The following SLC39A11 variants were observed in gnomAD, a reference collection of about 807,000 sequenced individuals.
SLC39A11 encodes the protein zinc transporter ZIP11.
In SLC39A11, 33 loss-of-function variants were observed where a neutral mutation model predicts 36.1. The observed-to-expected ratio is 0.91, with a 90% CI of 0.69 to 1.22. The LOEUF is 1.22. Ranked by LOEUF, SLC39A11 falls within the 50% of genes most tolerant of loss-of-function variation. The pLI is 0.00. For synonymous variants in SLC39A11, 166 were observed against 170.3 expected, an observed-to-expected ratio of 0.97 and a Z score of 0.20; for missense variants, 432 against 430.3, an observed-to-expected ratio of 1.00 and a Z score of -0.03.
chr17:72,817,481 C>T (rs966345652), intron 6 of SLC39A11, among the ~76,000 whole-genome samples: 1 of 151,902 alleles, frequency 6.6e-6, no homozygotes, highest in Non-Finnish European at 1.5e-5. Context: ...CCCTCATGAC[C>T]CAAGCACCTC....
intron 7 of SLC39A11, among the ~76,000 whole-genome samples, chr17:72,693,861 A>T (rs2072157286): frequency 1.3e-5 from 2 of 152,234 alleles, no homozygotes; most frequent in South Asian, 4.2e-4. Flanking sequence ...ACGGGGTTTC[A>T]CTATGTTGGC....
intron 4 of SLC39A11, among the ~76,000 whole-genome samples, chr17:72,969,736 C>T (rs1489596822): frequency 6.6e-6 from 1 of 152,172 alleles, no homozygotes; most frequent in Non-Finnish European, 1.5e-5. Flanking sequence ...ACTCATCTCC[C>T]TGGTTACTAG....
At chr17:72,784,421 CAG>C (rs1293481717) in intron 6 of SLC39A11, among the ~76,000 whole-genome samples, 1 of 152,092 alleles carries the variant, frequency 6.6e-6, no homozygotes, top group African/African-American at 2.4e-5. Flanking sequence ...TCTAAGAAGA[CAG>C]GGGGTTTGAC....
intron 4 of SLC39A11, among the ~76,000 whole-genome samples, chr17:73,023,059 T>C (rs1333125826): frequency 6.6e-6 from 1 of 152,126 alleles, no homozygotes; most frequent in Non-Finnish European, 1.5e-5. Flanking sequence ...GAAACTGAAG[T>C]ATTAATTAGT....
chr17:72,878,951 T>C (rs565227020), intron 5 of SLC39A11, among the ~76,000 whole-genome samples: 112 of 152,336 alleles, frequency 7.4e-4, no homozygotes, highest in African/African-American at 2.5e-3. Context: ...CTTCCTTGGG[T>C]TCAATTAATT....
chr17:72,782,687 CAAAAAAA>C (rs72447211), intron 6 of SLC39A11, among the ~76,000 whole-genome samples: 5 of 62,472 alleles, frequency 8.0e-5, no homozygotes, highest in African/African-American at 2.9e-4. Context: ...GACCCCATCT[CAAAAAAA>C]AAAAAAAAAA....
chr17:72,690,548 A>C (rs754561772), intron 7 of SLC39A11, among the ~76,000 whole-genome samples: 4 of 152,246 alleles, frequency 2.6e-5, no homozygotes, highest in African/African-American at 4.8e-5. Context: ...CAAAAGGTGG[A>C]AACCACCCAA....
chr17:72,768,070 T>C (rs1370386635), intron 6 of SLC39A11, among the ~76,000 whole-genome samples: 1 of 152,006 alleles, frequency 6.6e-6, no homozygotes, highest in Non-Finnish European at 1.5e-5. Flanking sequence ...GCTGAGTTGC[T>C]CCCTGGTGGG....
intron 7 of SLC39A11, among the ~76,000 whole-genome samples, chr17:72,683,983 T>C (rs903232688): frequency 2.6e-5 from 4 of 152,094 alleles, no homozygotes; most frequent in African/African-American, 9.7e-5. Context: ...GTGGAGGGGC[T>C]CTTTAAGTCC....
chr17:73,023,290 C>G (rs1050143415), intron 4 of SLC39A11, among the ~76,000 whole-genome samples: 1 of 151,808 alleles, frequency 6.6e-6, no homozygotes, highest in African/African-American at 2.4e-5. Flanking sequence ...TATCAAAGCT[C>G]TAACCCCCTA....
intron 6 of SLC39A11, among the ~76,000 whole-genome samples, chr17:72,766,120 G>C (rs1598631485): frequency 6.6e-6 from 1 of 152,068 alleles, no homozygotes; most frequent in Non-Finnish European, 1.5e-5. Flanking sequence ...ATCACTTATT[G>C]CTGCAGGGTC....
rs375742410 is a variant in SLC39A11, at chr17:73,029,424, C to T, written c.306+2132G>A. On this transcript the variant is annotated intron_variant, in intron 4 of 9. Coordinates refer to ENST00000255559, the MANE Select transcript of SLC39A11 (RefSeq NM_139177.4). ...TGAAGCCACTGGTCACCTGTCAGGG[C>T]AAGCAGAATACACTCCAACAACAAG... Among the ~76,000 whole-genome samples the T allele has an allele frequency of 2.8e-4, 43 of 152,038 alleles. No individual in the cohort carries two copies. The East Asian group carries it at 4.1e-3, about 14-fold the overall frequency.
chr17:72,995,753 G>A (rs979508307), intron 4 of SLC39A11, among the ~76,000 whole-genome samples: 3 of 152,072 alleles, frequency 2.0e-5, no homozygotes, highest in East Asian at 1.9e-4. Context: ...CCAGCCTTCC[G>A]ACTTGGATGA....
rs753494708 is a variant in SLC39A11, at chr17:72,661,270, T to C, written c.672-12002A>G. Among the ~76,000 whole-genome samples the C allele has an allele frequency of 7.2e-5, 11 of 152,210 alleles. 1 individual carries two copies. The highest frequency in any genetic ancestry group is 1.5e-4 in the Non-Finnish European group (10 of 68,046). Reference sequence around the variant, plus strand: ...CTGGAGTTGTGCAGTGGGACACTCCTGCTTGAGCGCAGATTGCTGCTCAGC... The same window carrying C: ...CTGGAGTTGTGCAGTGGGACACTCCCGCTTGAGCGCAGATTGCTGCTCAGC... On this transcript the variant is annotated intron_variant, in intron 7 of 9. Transcript: ENST00000255559.
intron 3 of SLC39A11, among the ~76,000 whole-genome samples, chr17:73,050,692 T>G (rs1034000165): frequency 3.9e-5 from 6 of 152,140 alleles, no homozygotes; most frequent in African/African-American, 1.2e-4. Context: ...CTTGAACTCT[T>G]GACCTCAAGT....
chr17:72,733,509 C>A (rs1221476797), intron 7 of SLC39A11, among the ~76,000 whole-genome samples: 2 of 152,158 alleles, frequency 1.3e-5, no homozygotes, highest in Non-Finnish European at 2.9e-5. Context: ...CATCTGCAGC[C>A]TCCGTGGAGG....
chr17:72,873,464 G>T (rs1308878470), intron 5 of SLC39A11, among the ~76,000 whole-genome samples: 1 of 152,080 alleles, frequency 6.6e-6, no homozygotes, highest in Non-Finnish European at 1.5e-5. Context: ...TTCCAACTTG[G>T]CTGGCCCTAT....
chr17:72,765,206 T>G (rs961071674), intron 6 of SLC39A11, among the ~76,000 whole-genome samples: 6 of 152,184 alleles, frequency 3.9e-5, no homozygotes, highest in Non-Finnish European at 8.8e-5. Context: ...AAGACTGGCC[T>G]TTTGAGGTGT....
rs144628636 is a variant in SLC39A11, at chr17:73,013,378, G to A, written c.306+18178C>T. Among the ~76,000 whole-genome samples, 379 of 152,346 alleles carry A rather than the reference G, an allele frequency of 2.5e-3. 2 individuals are homozygous for A. The highest frequency in any genetic ancestry group is 8.4e-3 in the African/African-American group (351 of 41,570). ...GTGAGGATTACAGGCGTGAGCCTCC[G>A]CACTTGGCCCTGGTGTTTAGCTTCC... is the stretch of plus-strand genomic sequence containing the variant. On this transcript the variant is annotated intron_variant, in intron 4 of 9. Coordinates refer to ENST00000255559, the MANE Select transcript of SLC39A11 (RefSeq NM_139177.4).
Sources: gnomAD v4.1 joint callset for allele counts (sites outside exome capture counted in the v4.1 genomes callset) on GRCh38, gnomAD v4.1.1 for gene constraint, MANE v1.5 for transcripts, NCBI Gene and HGNC (gene_info 2026-07-23, HGNC 2026-07-21) for gene names.